Variants in RYR3 observed in about 807,000 individuals in gnomAD.
RYR3 encodes ryanodine receptor 3.
Under a neutral mutation model 584.3 loss-of-function variants are expected in RYR3, and 207 were observed. The ratio of observed to expected loss-of-function variants is 0.35; its 90% CI spans 0.32 to 0.40. RYR3 has a LOEUF of 0.40. RYR3 is among the 10% of genes least tolerant of loss of function. RYR3 has a pLI of 1.00. For synonymous variants in RYR3, 2,416 were observed against 2,248.5 expected, an observed-to-expected ratio of 1.07 and a Z score of -2.11; for missense variants, 5,616 against 6,089.2, an observed-to-expected ratio of 0.92 and a Z score of 2.59.
chr15:33,740,640 C>G (rs936808632), intron 51 of RYR3, among the ~76,000 whole-genome samples: 1 of 152,120 alleles, frequency 6.6e-6, no homozygotes, highest in African/African-American at 2.4e-5. Flanking sequence ...TAGTTCTGCC[C>G]AGTTATGAAT....
intron 47 of RYR3, among the ~76,000 whole-genome samples, chr15:33,729,780 A>T (rs1345751645): frequency 6.6e-6 from 1 of 152,124 alleles, no homozygotes; most frequent in African/African-American, 2.4e-5. Context: ...AGTCTAAAAA[A>T]CATCTTTCCA....
intron 1 of RYR3, among the ~76,000 whole-genome samples, chr15:33,460,526 G>A (rs190689440): frequency 1.3e-5 from 2 of 152,224 alleles, no homozygotes; most frequent in East Asian, 1.9e-4. Flanking sequence ...AGGACTTAGC[G>A]AGTCATACAG....
chr15:33,477,592 AAG>A (rs2049501966), intron 2 of RYR3, among the ~76,000 whole-genome samples: 1 of 150,780 alleles, frequency 6.6e-6, no homozygotes, highest in Non-Finnish European at 1.5e-5. Flanking sequence ...AAAAAAAAAA[AAG>A]GCTGGGCGCG....
intron 27 of RYR3, among the ~76,000 whole-genome samples, chr15:33,643,929 GGTA>G (rs901756032): frequency 2.0e-5 from 3 of 152,012 alleles, no homozygotes; most frequent in African/African-American, 4.8e-5. Flanking sequence ...CATTGTTTTG[GGTA>G]GTAGTTAAAT....
At chr15:33,697,795 T>G (rs2065959237) in intron 39 of RYR3, 87 bp from the exon 40 acceptor site, 14 of 791,758 alleles carry the variant, frequency 1.8e-5, no homozygotes, top group South Asian at 1.3e-4. Context: ...TATTTTGCCC[T>G]CTCGTGTGTT....
chr15:33,537,148 C>G (rs1352270236), intron 5 of RYR3, among the ~76,000 whole-genome samples: 2 of 152,178 alleles, frequency 1.3e-5, no homozygotes, highest in African/African-American at 2.4e-5. Context: ...TAGTTAATAA[C>G]TGCCTTATTT....
chr15:33,320,512 G>A (rs1968825373), intron 1 of RYR3, among the ~76,000 whole-genome samples: 3 of 152,144 alleles, frequency 2.0e-5, no homozygotes, highest in Admixed American at 2.0e-4. Context: ...GACAGCTCAG[G>A]GTCAAGAGGG....
At chr15:33,387,579 A>G (rs934078697) in intron 1 of RYR3, among the ~76,000 whole-genome samples, 4 of 152,242 alleles carry the variant, frequency 2.6e-5, no homozygotes, top group African/African-American at 9.6e-5. Context: ...AAATATGTGC[A>G]ACTAAGGATC....
Position 33,827,198 on chromosome 15 carries a change from G to C in RYR3, c.11246-1G>C, listed in dbSNP as rs1469827148. The C allele has an allele frequency of 6.4e-7, 1 of 1,551,804 alleles. No individual in the cohort carries two copies. Among genetic ancestry groups the C allele is most frequent in the Non-Finnish European group, 8.7e-7 (1 of 1,147,048 alleles). ...CTCTGACCCAGCACTGGTGCTCTCA[G>C]ACTTTCAGAACTTCCTGCGGACTCA... is the stretch of plus-strand genomic sequence containing the variant. On this transcript the variant is annotated splice_acceptor_variant, in intron 84 of 103. Coordinates refer to ENST00000634891, the MANE Select transcript of RYR3 (RefSeq NM_001036.6). LOFTEE classifies it high-confidence loss of function.
chr15:33,755,221 CTT>C (rs765390773), intron 58 of RYR3, 41 bp downstream of exon 58: 3 of 1,126,782 alleles, frequency 2.7e-6, no homozygotes, highest in Non-Finnish European at 4.0e-6. Context: ...ATTCAATATT[CTT>C]TTATCAAGAA....
At chr15:33,616,646 C>G (rs909855950) in intron 19 of RYR3, among the ~76,000 whole-genome samples, 1 of 152,208 alleles carries the variant, frequency 6.6e-6, no homozygotes, top group Non-Finnish European at 1.5e-5. Context: ...AACAGCTTAG[C>G]TCTGAGAGCT....
chr15:33,377,507 T>C (rs1595897201), intron 1 of RYR3, among the ~76,000 whole-genome samples: 1 of 152,228 alleles, frequency 6.6e-6, no homozygotes, highest in Non-Finnish European at 1.5e-5. Flanking sequence ...ATGTAGTCTT[T>C]GATAAGCATG....
rs558410816 is a variant in RYR3 at position 33,492,982 on chromosome 15, C to A, written c.172-10649C>A. Among the ~76,000 whole-genome samples, 524 of 152,262 alleles carry A rather than the reference C, an allele frequency of 3.4e-3. 3 individuals carry two copies. Among genetic ancestry groups the A allele is most frequent in the African/African-American group, 0.012 (498 of 41,548 alleles). ...TTTGTAAATTCTGTAGCAACTATAT[C>A]ATCATTCCAGAGGGAGGAGGGTGTA... On this transcript the variant is annotated intron_variant, in intron 2 of 103. Transcript: ENST00000634891.
intron 15 of RYR3, among the ~76,000 whole-genome samples, chr15:33,585,602 T>G (rs1173700505): frequency 6.6e-6 from 1 of 152,242 alleles, no homozygotes; most frequent in African/African-American, 2.4e-5. Flanking sequence ...TCCAAATTAC[T>G]TGAATGACCT....
At chr15:33,555,161 T>C (rs1333735893) in intron 10 of RYR3, among the ~76,000 whole-genome samples, 1 of 152,218 alleles carries the variant, frequency 6.6e-6, no homozygotes, top group Non-Finnish European at 1.5e-5. Flanking sequence ...CTTGGCCAAA[T>C]GTGACTTCCC....
intron 12 of RYR3, among the ~76,000 whole-genome samples, chr15:33,574,907 T>A (rs2058216622): frequency 1.3e-5 from 2 of 152,048 alleles, no homozygotes; most frequent in Admixed American, 1.3e-4. Context: ...AAGACATGCA[T>A]AAGCTTGAAA....
intron 81 of RYR3, among the ~76,000 whole-genome samples, chr15:33,824,657 C>T (rs1429751): frequency 0.63 from 96,345 of 151,996 alleles, 30,630 homozygotes; most frequent in South Asian, 0.73. Flanking sequence ...GTAAATGAAA[C>T]TTACCTAAAT....
At chr15:33,790,294 T>TTTTG (rs140040670) in intron 67 of RYR3, among the ~76,000 whole-genome samples, 3,559 of 150,268 alleles carry the variant, frequency 0.024, 155 homozygotes, top group African/African-American at 0.077. Flanking sequence ...TGCCCAGCCC[T>TTTTG]TTTGTTTGTT....
At chr15:33,465,500 A>G (rs896824131) in intron 1 of RYR3, among the ~76,000 whole-genome samples, 1 of 152,126 alleles carries the variant, frequency 6.6e-6, no homozygotes, top group Non-Finnish European at 1.5e-5. Context: ...TTTTGGTAAT[A>G]GCCAGTCTAA....
Sources: allele counts gnomAD v4.1 joint callset (sites outside exome capture counted in the v4.1 genomes callset), GRCh38; gene constraint gnomAD v4.1.1; transcripts MANE v1.5; gene names NCBI Gene and HGNC (gene_info 2026-07-23, HGNC 2026-07-21).